MYD88: variants seen among roughly 807,000 people sequenced by gnomAD.
MYD88 encodes MYD88 innate immune signal transduction adaptor, also known as myeloid differentiation primary response protein MyD88.
In MYD88, 15 loss-of-function variants were observed where a neutral mutation model predicts 31.1. The ratio of observed to expected loss-of-function variants is 0.48; its 90% CI spans 0.32 to 0.74. MYD88 has a LOEUF of 0.74. MYD88 is among the 30% of genes least tolerant of loss of function. The pLI is 0.03. For synonymous variants in MYD88, 157 were observed against 158.8 expected (o/e 0.99, Z 0.08); for missense variants, 308 against 387.4 (o/e 0.79, Z 1.72).
At position 38,138,857 on chromosome 3, in the gene MYD88, GA is replaced by G; in HGVS notation, c.158del (p.Glu53GlyfsTer34). The G allele has an allele frequency of 6.2e-7, 1 of 1,613,878 alleles. No homozygotes were observed. ...VAADWTALAE[E>X]MDFEYLEIRQ... ...GGCCGACTGGACCGCGCTGGCGGAG[GA>G]GATGGACTTTGAGTACTTGGAGATC... is the stretch of plus-strand genomic sequence containing the variant. On this transcript the variant is annotated frameshift_variant, in exon 1 of 5. Transcript: ENST00000650905. LOFTEE classifies it high-confidence loss of function. The surrounding 1 kb of genome is among the most constrained non-coding windows in gnomAD (Gnocchi z 6.4).
Position 38,139,901 on chromosome 3 carries a change from G to A in MYD88, c.366G>A (p.Gln122=), listed in dbSNP as rs372319724. The A allele has an allele frequency of 6.2e-7, 1 of 1,613,532 alleles. No homozygotes were observed. Among genetic ancestry groups the A allele is most frequent in the Non-Finnish European group, 8.5e-7 (1 of 1,180,010 alleles). The change falls in exon 2 of 5, where the codon CAG becomes CAA. Residue 122 remains glutamine, a synonymous_variant. Coordinates refer to ENST00000650905, the MANE Select transcript of MYD88 (RefSeq NM_002468.5). The surrounding 1 kb of genome is among the most constrained non-coding windows in gnomAD (Gnocchi z 4.7). ...DCQKYILKQQ[Q]EEAEKPLQVA... is the part of the protein sequence containing the mutation. Reference sequence around the variant, plus strand: ...AAAAGTATATCTTGAAGCAGCAGCAGGAGGAGGCTGAGAAGCCTTTACAGG... The same window carrying A: ...AAAAGTATATCTTGAAGCAGCAGCAAGAGGAGGCTGAGAAGCCTTTACAGG...
chr3:38,140,057 G>A, intron 2 of MYD88, 59 bp downstream of exon 2: 3 of 1,599,506 alleles, frequency 1.9e-6, no homozygotes, highest in Non-Finnish European at 2.6e-6. Flanking sequence ...GGTGTTAAGA[G>A]CATGGGTGTT....
Position 38,139,234 on chromosome 3 carries a change from C to A in MYD88, c.328+206C>A. On this transcript the variant is annotated intron_variant, in intron 1 of 4. Coordinates refer to ENST00000650905, the MANE Select transcript of MYD88 (RefSeq NM_002468.5). This position sits in a 1 kb window ranked among gnomAD's most constrained non-coding sequence, Gnocchi z 4.7. ...AGGACTGGAGAAAGGTCCGGATAGG[C>A]GGAGATGGGAAGGAAGCAGCTTAGG... The A allele has an allele frequency of 1.4e-6, 1 of 700,870 alleles. No homozygotes were observed. Among genetic ancestry groups the A allele is most frequent in the Non-Finnish European group, 2.3e-6 (1 of 432,768 alleles). 43.4% of individuals were successfully genotyped at this position (700,870 alleles called of 1,614,324 possible).
intron 2 of MYD88, 110 bp from the exon 3 acceptor site, chr3:38,140,278 T>C: frequency 7.9e-7 from 1 of 1,268,464 alleles, no homozygotes; most frequent in African/African-American, 1.5e-5. Flanking sequence ...AGGAGTATCA[T>C]CTTGGGAAGG....
chr3:38,139,250 G>A lies in MYD88; in HGVS notation c.328+222G>A. 1 of 639,032 alleles carries A rather than the reference G, an allele frequency of 1.6e-6. No homozygotes were observed. The highest frequency in any genetic ancestry group is 2.6e-6 in the Non-Finnish European group (1 of 377,896). 39.6% of individuals were successfully genotyped at this position (639,032 alleles called of 1,614,324 possible). On this transcript the variant is annotated intron_variant, in intron 1 of 4. Transcript: ENST00000650905. The surrounding 1 kb of genome is among the most constrained non-coding windows in gnomAD (Gnocchi z 4.7). ...CCGGATAGGCGGAGATGGGAAGGAAGCAGCTTAGGCAGAGGCTTTCAGGTA... is the reference window on the plus strand; with the variant it reads ...CCGGATAGGCGGAGATGGGAAGGAAACAGCTTAGGCAGAGGCTTTCAGGTA...
In MYD88 at chr3:38,139,755, C is replaced by T. The variant is rs1701028229; in HGVS notation, c.329-109C>T. The stretch of plus-strand genomic sequence containing the variant: ...CGTGGCACCAGTGAACTGGGGAAGC[C>T]CTCTAGAACAACCCAGCCAGAGGAG... On this transcript the variant is annotated intron_variant, in intron 1 of 4. Transcript: ENST00000650905. This position sits in a 1 kb window ranked among gnomAD's most constrained non-coding sequence, Gnocchi z 4.7. The T allele has an allele frequency of 6.9e-7, 1 of 1,454,488 alleles. No homozygotes were observed. Among genetic ancestry groups the T allele is most frequent in the Non-Finnish European group, 9.5e-7 (1 of 1,056,762 alleles). The allele number at this position is 1,454,488 out of a possible 1,614,324, so 90.1% of individuals were successfully genotyped here.
In MYD88 at chr3:38,141,246, G is replaced by T. The variant is rs1159761534; in HGVS notation, c.851G>T (p.Trp284Leu). The T allele has an allele frequency of 6.2e-7, 1 of 1,614,086 alleles. No homozygotes were observed. The highest frequency in any genetic ancestry group is 8.5e-7 in the Non-Finnish European group (1 of 1,180,044). ...CDYTNPCTKS[W>L]FWTRLAKALS... ...TACACCAACCCCTGCACCAAATCTTGGTTCTGGACTCGCCTTGCCAAGGCC... is the reference window on the plus strand; with the variant it reads ...TACACCAACCCCTGCACCAAATCTTTGTTCTGGACTCGCCTTGCCAAGGCC... Residue 284 changes from tryptophan (W) to leucine (L), a missense_variant, in exon 5 of 5, where the codon TGG becomes TTG. By Grantham distance (61) the Trp-to-Leu change is moderately conservative. Transcript: ENST00000650905.
rs1450350572 is a variant in MYD88, at chr3:38,141,117, C to T, written c.737-15C>T. Reference sequence around the variant, plus strand: ...GCAAGGGCCTGATGCCAGCATGGCACCCCTTGGCTTGCAGGTGCCCATCAG... The same window carrying T: ...GCAAGGGCCTGATGCCAGCATGGCATCCCTTGGCTTGCAGGTGCCCATCAG... On this transcript the variant is annotated splice_polypyrimidine_tract_variant and intron_variant, in intron 4 of 4. Transcript: ENST00000650905. The T allele has an allele frequency of 6.2e-7, 1 of 1,614,062 alleles. No individual in the cohort carries two copies. Among genetic ancestry groups the T allele is most frequent in the Admixed American group, 1.7e-5 (1 of 60,012 alleles).
At chr3:38,140,734 G>T (rs1285665932) in intron 3 of MYD88, 23 bp from the exon 4 acceptor site, 5 of 1,612,018 alleles carry the variant, frequency 3.1e-6, no homozygotes, top group Non-Finnish European at 4.2e-6. Flanking sequence ...CACAGGACCT[G>T]CAGCCTGCCC....
rs773073007 is a variant in MYD88 at position 38,140,759 on chromosome 3, GCC to G, written c.648_649del (p.Cys216TrpfsTer9). 2 of 1,614,168 alleles carry G rather than the reference GCC, an allele frequency of 1.2e-6. No homozygotes were observed. Among genetic ancestry groups the G allele is most frequent in the South Asian group, 2.2e-5 (2 of 91,082 alleles). ...GCAGCCTGCCCACTCTCCCCTAGGTGCCGCCGGATGGTGGTGGTTGTCTCTGA... is the reference window on the plus strand; with the variant it reads ...GCAGCCTGCCCACTCTCCCCTAGGTGGCCGGATGGTGGTGGTTGTCTCTGA... On this transcript the variant is annotated frameshift_variant, in exon 4 of 5. Transcript: ENST00000650905. LOFTEE classifies it high-confidence loss of function.
rs1700984625 is a variant in MYD88, at chr3:38,138,693, C to T, written c.-8C>T. 6.3e-7 allele frequency: 1 copy of T among 1,597,022 alleles called. No homozygotes were observed. Among genetic ancestry groups the T allele is most frequent in the Non-Finnish European group, 8.5e-7 (1 of 1,170,084 alleles). On this transcript the variant is annotated 5_prime_UTR_variant, in exon 1 of 5. Transcript: ENST00000650905. The surrounding 1 kb of genome is among the most constrained non-coding windows in gnomAD (Gnocchi z 6.4). ...CCCGACCGCGCTGAGGCTCCAGGAC[C>T]GCCCGCCATGGCTGCAGGAGGTCCC... is the stretch of plus-strand genomic sequence containing the variant.
Position 38,141,117 on chromosome 3 carries a change from C to A in MYD88, c.737-15C>A, listed in dbSNP as rs1450350572. ...GCAAGGGCCTGATGCCAGCATGGCACCCCTTGGCTTGCAGGTGCCCATCAG... is the reference window on the plus strand; with the variant it reads ...GCAAGGGCCTGATGCCAGCATGGCAACCCTTGGCTTGCAGGTGCCCATCAG... On this transcript the variant is annotated splice_polypyrimidine_tract_variant and intron_variant, in intron 4 of 4. Coordinates refer to ENST00000650905, the MANE Select transcript of MYD88 (RefSeq NM_002468.5). 6.2e-7 allele frequency: 1 copy of A among 1,614,180 alleles called. No homozygotes were observed.
chr3:38,140,501 G>A lies in MYD88; in HGVS notation c.577G>A (p.Val193Met), dbSNP rs1229846565. The A allele has an allele frequency of 6.2e-7, 1 of 1,614,260 alleles. No homozygotes were observed. The highest frequency in any genetic ancestry group is 8.5e-7 in the Non-Finnish European group (1 of 1,180,048). Residue 193 changes from valine to methionine, a missense_variant, in exon 3 of 5, where the codon GTG (valine) becomes ATG (methionine). Physicochemically the swap from Val to Met is conservative, Grantham distance 21. Coordinates refer to ENST00000650905, the MANE Select transcript of MYD88 (RefSeq NM_002468.5). ...EQTNYRLKLCVSDRDVLPGTC... is the reference protein window; with the variant it reads ...EQTNYRLKLCMSDRDVLPGTC... ...GACAAACTATCGACTGAAGTTGTGTGTGTCTGACCGCGATGTCCTGCCTGG... is the reference window on the plus strand; with the variant it reads ...GACAAACTATCGACTGAAGTTGTGTATGTCTGACCGCGATGTCCTGCCTGG...
In MYD88 at chr3:38,141,225, C is replaced by G. The variant is rs1418257391; in HGVS notation, c.830C>G (p.Thr277Ser). The part of the protein sequence containing the change: ...ILRFITVCDY[T>S]NPCTKSWFWT... ...AGGTTCATCACTGTCTGCGACTACA[C>G]CAACCCCTGCACCAAATCTTGGTTC... Residue 277 changes from threonine to serine, a missense_variant, in exon 5 of 5, where the codon ACC becomes AGC. Transcript: ENST00000650905. The G allele has an allele frequency of 1.2e-6, 2 of 1,614,230 alleles. No individual in the cohort carries two copies. Among genetic ancestry groups the G allele is most frequent in the East Asian group, 4.5e-5 (2 of 44,888 alleles).
rs754580369 is a variant in MYD88 at position 38,138,793 on chromosome 3, C to A, written c.93C>A (p.Arg31=). ...PLAALNMRVR[R]RLSLFLNVRT... is the part of the protein sequence containing the mutation. ...CTGCTCTCAACATGCGAGTGCGGCG[C>A]CGCCTGTCTCTGTTCTTGAACGTGC... The change falls in exon 1 of 5, where the codon CGC becomes CGA. Residue 31 remains arginine, a synonymous_variant. Transcript: ENST00000650905. This position sits in a 1 kb window ranked among gnomAD's most constrained non-coding sequence, Gnocchi z 6.4. 4.3e-6 allele frequency: 7 copies of A among 1,613,264 alleles called. No homozygotes were observed. The highest frequency in any genetic ancestry group is 5.9e-6 in the Non-Finnish European group (7 of 1,180,002).
chr3:38,140,356 C>T (rs754730479), intron 2 of MYD88, 32 bp from the exon 3 acceptor site: 2 of 1,612,504 alleles, frequency 1.2e-6, no homozygotes, highest in Non-Finnish European at 1.7e-6. Flanking sequence ...TCCCATGGAG[C>T]TCTGACCACC....
Position 38,139,582 on chromosome 3 carries a change from A to G in MYD88, c.329-282A>G. On this transcript the variant is annotated intron_variant, in intron 1 of 4. Transcript: ENST00000650905. The surrounding 1 kb of genome is among the most constrained non-coding windows in gnomAD (Gnocchi z 4.7). ...CCTGGATCCCAGAAGAAGCAGACCT[A>G]CCTTGGTACCATTCTTAGGATCCCT... The G allele has an allele frequency of 2.0e-6, 1 of 497,822 alleles. No individual in the cohort carries two copies. Among genetic ancestry groups the G allele is most frequent in the South Asian group, 2.0e-5 (1 of 49,346 alleles). 30.8% of individuals were successfully genotyped at this position (497,822 alleles called of 1,614,324 possible). A position where few individuals can be genotyped will look rare whatever the true frequency, so the allele number is the denominator to read the frequency against.
At chr3:38,141,057 C>T in intron 4 of MYD88, 75 bp from the exon 5 acceptor site, 3 of 1,603,766 alleles carry the variant, frequency 1.9e-6, no homozygotes, top group South Asian at 2.2e-5. Flanking sequence ...TGTTGTTAAC[C>T]CTGGGGTTGA....
In MYD88 at chr3:38,139,084, G is replaced by A; in HGVS notation, c.328+56G>A. 1 of 1,562,370 alleles carries A rather than the reference G, an allele frequency of 6.4e-7. No individual in the cohort carries two copies. ...TGGGGGGTGAGGAGGCTGACTTTCC[G>A]CGGCCTCAGCATCCTGTCTCCCATG... On this transcript the variant is annotated intron_variant, in intron 1 of 4. Coordinates refer to ENST00000650905, the MANE Select transcript of MYD88 (RefSeq NM_002468.5). This position sits in a 1 kb window ranked among gnomAD's most constrained non-coding sequence, Gnocchi z 4.7.
Sources: allele counts gnomAD v4.1 joint callset, GRCh38; gene constraint gnomAD v4.1.1; non-coding constraint Gnocchi (gnomAD v3.1); transcripts MANE v1.5; gene names NCBI Gene and HGNC (gene_info 2026-07-23, HGNC 2026-07-21).